Variants in CLNS1A observed in about 807,000 individuals in gnomAD.
CLNS1A encodes the protein methylosome subunit pICln.
A neutral mutation model predicts 29.4 loss-of-function variants in CLNS1A; 16 were observed. That is an observed-to-expected ratio of 0.54 (90% confidence interval 0.37 to 0.83). The LOEUF is 0.83. CLNS1A is among the 40% of genes least tolerant of loss of function. CLNS1A has a pLI of 0.00. For missense variants in CLNS1A, 235 were observed against 287.4 expected (o/e 0.82, Z 1.32); for synonymous variants, 96 against 104.8 (o/e 0.92, Z 0.51).
At chr11:77,625,643 G>C in intron 3 of CLNS1A, 74 bp downstream of exon 3, 2 of 1,206,132 alleles carry the variant, frequency 1.7e-6, no homozygotes, top group South Asian at 2.8e-5. Flanking sequence ...GTGTGTGTGT[G>C]TGTATGTGTG....
At chr11:77,629,284 G>T (rs1959050558) in intron 2 of CLNS1A, among the ~76,000 whole-genome samples, 1 of 152,180 alleles carries the variant, frequency 6.6e-6, no homozygotes, top group Non-Finnish European at 1.5e-5. Context: ...AACATCCATT[G>T]TGAAAACTTC....
At position 77,616,402 on chromosome 11, in the gene CLNS1A, A is replaced by G. The variant is rs1958906085; in HGVS notation, c.*316T>C. On this transcript the variant is annotated 3_prime_UTR_variant, in exon 7 of 7. Transcript: ENST00000525428. ...TTTCACCACATAGATCTGCTAGCTT[A>G]CAAATGATGCACACAGTCAAGGTAG... The G allele has an allele frequency of 6.6e-6, 1 of 152,642 alleles. No individual in the cohort carries two copies. Among genetic ancestry groups the G allele is most frequent in the African/African-American group, 2.4e-5 (1 of 41,458 alleles). 9.5% of individuals were successfully genotyped at this position (152,642 alleles called of 1,614,324 possible).
At chr11:77,627,198 C>T (rs971885732) in intron 2 of CLNS1A, among the ~76,000 whole-genome samples, 1 of 151,266 alleles carries the variant, frequency 6.6e-6, no homozygotes, top group Non-Finnish European at 1.5e-5. Context: ...CTTTGGGAGG[C>T]TGAGGTGGGT....
At chr11:77,630,238 G>A (rs779500749) in intron 1 of CLNS1A, among the ~76,000 whole-genome samples, 15 of 152,016 alleles carry the variant, frequency 9.9e-5, no homozygotes, top group Non-Finnish European at 1.8e-4. Flanking sequence ...CCTCTTCCAT[G>A]AGGCCTCCCT....
At chr11:77,632,318 C>G (rs947735069) in intron 1 of CLNS1A, among the ~76,000 whole-genome samples, 1 of 152,182 alleles carries the variant, frequency 6.6e-6, no homozygotes, top group East Asian at 1.9e-4. Context: ...AAGAAACATT[C>G]CAAATTTGGG....
chr11:77,633,561 C>T (rs1959095122), intron 1 of CLNS1A, among the ~76,000 whole-genome samples: 1 of 152,098 alleles, frequency 6.6e-6, no homozygotes, highest in Non-Finnish European at 1.5e-5. Flanking sequence ...AATTCAAATG[C>T]TTTTGCACAA....
At chr11:77,629,651 C>G (rs1959055037) in intron 2 of CLNS1A, 112 bp downstream of exon 2, 1 of 1,000,258 alleles carries the variant, frequency 1.0e-6, no homozygotes, top group East Asian at 2.7e-5. Flanking sequence ...GCCTCGGCCT[C>G]CCAGAGTGCT....
intron 6 of CLNS1A, 169 bp downstream of exon 6, chr11:77,619,437 C>T (rs1958935103): frequency 1.7e-6 from 1 of 572,878 alleles, no homozygotes; most frequent in Non-Finnish European, 3.1e-6. Context: ...GAGGGTGAGG[C>T]AGGTGGATTG....
intron 5 of CLNS1A, among the ~76,000 whole-genome samples, chr11:77,620,807 C>T (rs1958949872): frequency 1.3e-5 from 2 of 151,628 alleles, no homozygotes; most frequent in South Asian, 4.2e-4. Context: ...CATGGTGAAA[C>T]CCCGCCTCTA....
intron 1 of CLNS1A, among the ~76,000 whole-genome samples, chr11:77,637,138 C>G (rs1959134625): frequency 6.6e-6 from 1 of 150,520 alleles, no homozygotes. Context: ...AGGGGAACAT[C>G]TCCTGCATCT....
Position 77,637,601 on chromosome 11 carries a change from G to A in CLNS1A, c.114C>T (p.Tyr38=). The A allele has an allele frequency of 6.2e-7, 1 of 1,602,788 alleles. No individual in the cohort carries two copies. The highest frequency in any genetic ancestry group is 8.5e-7 in the Non-Finnish European group (1 of 1,175,088). ...ACCAGGAACCCTACCTCTCAGCGAT[G>A]TAAAGGGTACCAGTGCCGAGGCCCT... ...NGKGLGTGTL[Y]IAESRLSWLD... The change falls in exon 1 of 7, where the codon TAC becomes TAT. Residue 38 remains tyrosine (Y), a synonymous_variant. Transcript: ENST00000525428.
intron 1 of CLNS1A, among the ~76,000 whole-genome samples, chr11:77,633,890 C>T (rs543280081): frequency 1.3e-4 from 20 of 151,906 alleles, no homozygotes; most frequent in Non-Finnish European, 1.9e-4. Context: ...CATCTAAGTT[C>T]GGGAGTTTGA....
At chr11:77,632,275 C>T (rs1276278664) in intron 1 of CLNS1A, among the ~76,000 whole-genome samples, 1 of 152,164 alleles carries the variant, frequency 6.6e-6, no homozygotes, top group African/African-American at 2.4e-5. Context: ...CTTTTCTGAT[C>T]TCAAAAATTT....
intron 1 of CLNS1A, among the ~76,000 whole-genome samples, chr11:77,635,929 G>A (rs942381805): frequency 7.2e-5 from 11 of 151,936 alleles, no homozygotes; most frequent in Admixed American, 5.9e-4. Flanking sequence ...TGACCCACCC[G>A]TCGGCGTATC....
chr11:77,620,268 G>T (rs1039557463), intron 5 of CLNS1A, among the ~76,000 whole-genome samples: 3 of 152,130 alleles, frequency 2.0e-5, no homozygotes, highest in Admixed American at 2.0e-4. Flanking sequence ...TCATAATAAT[G>T]AGTAAGTTTC....
chr11:77,625,122 C>G (rs762102529), intron 3 of CLNS1A, 52 bp from the exon 4 acceptor site: 2 of 1,305,662 alleles, frequency 1.5e-6, no homozygotes, highest in East Asian at 2.3e-5. Context: ...TAAAAGTAAC[C>G]ATCAGTGCAA....
At chr11:77,630,510 C>T (rs1351196346) in intron 1 of CLNS1A, among the ~76,000 whole-genome samples, 2 of 152,180 alleles carry the variant, frequency 1.3e-5, no homozygotes, top group African/African-American at 4.8e-5. Flanking sequence ...TGTAATCACA[C>T]TCACCGCAAG....
At chr11:77,622,778 T>A in intron 4 of CLNS1A, 105 bp from the exon 5 acceptor site, 1 of 881,486 alleles carries the variant, frequency 1.1e-6, no homozygotes, top group Non-Finnish European at 1.7e-6. Flanking sequence ...TGAAACCCTA[T>A]CTCTACTAAA....
In CLNS1A at chr11:77,615,644, G is replaced by T. The variant is rs1372790761; in HGVS notation, c.*1074C>A. On this transcript the variant is annotated 3_prime_UTR_variant, in exon 7 of 7. Transcript: ENST00000525428. ...GTTAACAGACTCAGAAATTCTGAGA[G>T]TCTGGTTAGAAAAAGGAAAATTCGT... 2.6e-5 allele frequency: 4 copies of T among 152,164 alleles called. No homozygotes were observed. Among genetic ancestry groups the T allele is most frequent in the African/African-American group, 7.2e-5 (3 of 41,438 alleles). 9.4% of individuals were successfully genotyped at this position (152,164 alleles called of 1,614,324 possible). A position where few individuals can be genotyped will look rare whatever the true frequency, so the allele number is the denominator to read the frequency against.
Sources: gnomAD v4.1 joint callset for allele counts (sites outside exome capture counted in the v4.1 genomes callset) on GRCh38, gnomAD v4.1.1 for gene constraint, MANE v1.5 for transcripts, NCBI Gene and HGNC (gene_info 2026-07-23, HGNC 2026-07-21) for gene names.